The following TNS3 variants were observed in gnomAD, a reference collection of about 807,000 sequenced individuals.
TNS3 encodes the protein tensin 3.
In TNS3, 45 loss-of-function variants were observed where a neutral mutation model predicts 140.9. The ratio of observed to expected loss-of-function variants is 0.32; its 90% confidence interval spans 0.25 to 0.41. The LOEUF is 0.41. Ranked by LOEUF, TNS3 falls within the 10% of genes least tolerant of loss-of-function variation. The pLI is 1.00. For synonymous variants in TNS3, 815 were observed against 788.4 expected, an observed-to-expected ratio of 1.03 and a Z score of -0.56; for missense variants, 1,716 against 1,906.7, an observed-to-expected ratio of 0.90 and a Z score of 1.86.
chr7:47,386,114 C>T (rs1340058374), intron 16 of TNS3, among the ~76,000 whole-genome samples: 4 of 152,250 alleles, frequency 2.6e-5, no homozygotes, highest in African/African-American at 9.7e-5. Flanking sequence ...TGAAAGACTA[C>T]TATGTCAAAG....
At chr7:47,500,978 C>G (rs2151861145) in intron 3 of TNS3, among the ~76,000 whole-genome samples, 1 of 152,234 alleles carries the variant, frequency 6.6e-6, no homozygotes, top group South Asian at 2.1e-4. Context: ...ACCCCAGCTA[C>G]TTGGGAGGCT....
At chr7:47,524,272 C>G (rs1460730535) in intron 2 of TNS3, among the ~76,000 whole-genome samples, 2 of 152,216 alleles carry the variant, frequency 1.3e-5, no homozygotes, top group African/African-American at 4.8e-5. Flanking sequence ...TTTTCATGCC[C>G]ATTTTAGGGT....
chr7:47,508,516 G>A (rs916777236), intron 2 of TNS3, among the ~76,000 whole-genome samples: 12 of 152,174 alleles, frequency 7.9e-5, no homozygotes, highest in African/African-American at 2.9e-4. Flanking sequence ...GGAGAAGGGC[G>A]GTGGGCAGGC....
At chr7:47,571,094 G>A (rs1027488727) in intron 1 of TNS3, among the ~76,000 whole-genome samples, 4 of 152,192 alleles carry the variant, frequency 2.6e-5, no homozygotes, top group African/African-American at 7.2e-5. Context: ...GGGGCCCAAC[G>A]TGGAGGAACT....
At chr7:47,544,691 G>C (rs773626071) in intron 1 of TNS3, among the ~76,000 whole-genome samples, 1 of 151,976 alleles carries the variant, frequency 6.6e-6, no homozygotes, top group Admixed American at 6.6e-5. Flanking sequence ...CAAGTCCCCA[G>C]GTCCAGCTTA....
intron 1 of TNS3, among the ~76,000 whole-genome samples, chr7:47,548,729 C>A (rs1410789945): frequency 6.6e-6 from 1 of 152,120 alleles, no homozygotes; most frequent in East Asian, 1.9e-4. Flanking sequence ...CTTCCCACCA[C>A]CTGTCTGCCG....
intron 3 of TNS3, among the ~76,000 whole-genome samples, chr7:47,503,585 T>C (rs745790036): frequency 2.1e-4 from 9 of 42,690 alleles, no homozygotes; most frequent in African/African-American, 6.0e-4. Context: ...ATTATGTGAC[T>C]TCCCTGAAAC....
chr7:47,546,937 T>A (rs750234067), intron 1 of TNS3, among the ~76,000 whole-genome samples: 7 of 152,238 alleles, frequency 4.6e-5, no homozygotes, highest in Non-Finnish European at 1.0e-4. Flanking sequence ...GGTTTTAAGG[T>A]CACCCCCTTG....
intron 20 of TNS3, among the ~76,000 whole-genome samples, chr7:47,331,199 G>T (rs192711497): frequency 1.3e-5 from 2 of 152,288 alleles, no homozygotes; most frequent in Admixed American, 1.3e-4. Context: ...TGACCCACAG[G>T]TTCTGTTTTC....
At chr7:47,455,471 C>T (rs562544348) in intron 4 of TNS3, among the ~76,000 whole-genome samples, 1 of 152,146 alleles carries the variant, frequency 6.6e-6, no homozygotes, top group South Asian at 2.1e-4. Context: ...TATGGATAAC[C>T]CTGGAAACAA....
rs918871688 is a variant in TNS3 at position 47,495,178 on chromosome 7, C to G, written c.-115+11729G>C. Among the ~76,000 whole-genome samples, 105 of 135,100 alleles carry G rather than the reference C, an allele frequency of 7.8e-4. 1 individual carries two copies. Among genetic ancestry groups the G allele is most frequent in the Middle Eastern group, 3.8e-3 (1 of 260 alleles). The allele number at this position is 135,100 out of a possible 152,430, so 88.6% of individuals were successfully genotyped here. On this transcript the variant is annotated intron_variant, in intron 3 of 30. Transcript: ENST00000311160. The stretch of plus-strand genomic sequence containing the variant: ...TGCACCCCAGCCTGGGCGACAGAGC[C>G]AGACTCCGTCTCAAAAAAAAAAAAA...
chr7:47,401,561 G>T (rs1370813113), intron 13 of TNS3, among the ~76,000 whole-genome samples: 1 of 152,148 alleles, frequency 6.6e-6, no homozygotes, highest in Non-Finnish European at 1.5e-5. Flanking sequence ...GGTTCATGAG[G>T]TCCCCAGGGT....
intron 3 of TNS3, among the ~76,000 whole-genome samples, chr7:47,505,189 T>C: frequency 6.6e-6 from 1 of 151,654 alleles, no homozygotes; most frequent in East Asian, 1.9e-4. Flanking sequence ...ACAACAGGGG[T>C]GAGGGACAAC....
In TNS3 at chr7:47,415,174, C is replaced by A; in HGVS notation, c.506G>T (p.Gly169Val). 6.2e-7 allele frequency: 1 copy of A among 1,610,700 alleles called. No homozygotes were observed. The highest frequency in any genetic ancestry group is 1.1e-5 in the South Asian group (1 of 90,570). Residue 169 changes from glycine (G) to valine (V), a missense_variant, in exon 11 of 31, where the codon GGA (glycine) becomes GTA (valine). Physicochemically the swap from Gly to Val is moderately radical, Grantham distance 109 (BLOSUM62 -3). Around this residue, in one of 3 missense-constraint regions of TNS3, gnomAD observed 337 missense variants for 428.9 expected, o/e 0.79. Transcript: ENST00000311160. ...YVQFLSGLLS[G>V]SVKMNASPLF... ...GGGAGAGGCATTCATTTTCACCGAT[C>A]CGGACAGGAGCCCACTGAGGAACTG... is the stretch of plus-strand genomic sequence containing the variant.
Position 47,453,235 on chromosome 7 carries a change from G to A in TNS3, c.-75-11180C>T, listed in dbSNP as rs1482612335. The A allele has an allele frequency of 2.1e-5, 21 of 985,280 alleles. No individual in the cohort carries two copies. In the South Asian group the frequency reaches 2.4e-4, roughly 11 times the overall value. 61.0% of individuals were successfully genotyped at this position (985,280 alleles called of 1,614,324 possible). On this transcript the variant is annotated intron_variant, in intron 4 of 30. Coordinates refer to ENST00000311160, the MANE Select transcript of TNS3 (RefSeq NM_022748.12). Reference sequence around the variant, plus strand: ...GCCCGGGGCTGAGGGCCAGCCTGCCGAGGGCCAGCCTGCCAAGGGCCTGAG... The same window carrying A: ...GCCCGGGGCTGAGGGCCAGCCTGCCAAGGGCCAGCCTGCCAAGGGCCTGAG...
intron 28 of TNS3, among the ~76,000 whole-genome samples, chr7:47,281,858 CCT>C (rs1337300896): frequency 6.6e-6 from 1 of 152,156 alleles, no homozygotes; most frequent in Non-Finnish European, 1.5e-5. Flanking sequence ...CAACCCTGAC[CCT>C]GAGTCTACCA....
Position 47,572,104 on chromosome 7 carries a change from G to A in TNS3, c.-265+9947C>T, listed in dbSNP as rs571774904. ...CCCATGGGCTCCGCACAGACAACCA[G>A]ACACCCGACAAGCTGAGCTGATGTG... On this transcript the variant is annotated intron_variant, in intron 1 of 30. Transcript: ENST00000311160. Among the ~76,000 whole-genome samples the A allele has an allele frequency of 2.0e-5, 3 of 152,340 alleles. No homozygotes were observed. The East Asian group carries it at 5.8e-4, about 29-fold the overall frequency.
chr7:47,516,605 G>A (rs1798785531), intron 2 of TNS3, among the ~76,000 whole-genome samples: 1 of 152,110 alleles, frequency 6.6e-6, no homozygotes, highest in African/African-American at 2.4e-5. Context: ...CCGGCTCCCA[G>A]CTCCAACTCA....
Position 47,307,817 on chromosome 7 carries a change from T to A in TNS3, c.2651-2814A>T, listed in dbSNP as rs528448799. Among the ~76,000 whole-genome samples the A allele has an allele frequency of 1.4e-4, 22 of 152,360 alleles. No homozygotes were observed. In the South Asian group the frequency reaches 3.7e-3, roughly 26 times the overall value. On this transcript the variant is annotated intron_variant, in intron 20 of 30. Transcript: ENST00000311160. The stretch of plus-strand genomic sequence containing the variant: ...GGTTGTTTGCTTTCTTAACACTCAG[T>A]TGTAAGAGTTCTTTATATATTTTAG...
Sources: gnomAD v4.1 joint callset for allele counts (sites outside exome capture counted in the v4.1 genomes callset) on GRCh38, gnomAD v4.1.1 for gene constraint, gnomAD v4.1.1 regional missense constraint, MANE v1.5 for transcripts, NCBI Gene and HGNC (gene_info 2026-07-23, HGNC 2026-07-21) for gene names.